KCNH8: variants seen among roughly 807,000 people sequenced by gnomAD.
KCNH8 encodes the protein potassium voltage-gated channel subfamily H member 8.
KCNH8 carries 70 observed loss-of-function variants against 103.6 expected under a neutral mutation model. That is an observed-to-expected ratio of 0.68 (90% CI 0.56 to 0.82). The LOEUF (loss-of-function observed/expected upper bound fraction) is 0.82, where lower values mean the gene tolerates loss of function less well. KCNH8 is among the 40% of genes least tolerant of loss of function. The pLI, the probability that KCNH8 is intolerant of heterozygous loss-of-function variation, is 0.00. For synonymous variants in KCNH8, 498 were observed against 489.4 expected (o/e 1.02, Z -0.23); for missense variants, 1,217 against 1,329.9 (o/e 0.92, Z 1.32).
At chr3:19,196,227 C>G (rs749201046) in intron 1 of KCNH8, among the ~76,000 whole-genome samples, 1 of 151,836 alleles carries the variant, frequency 6.6e-6, no homozygotes, top group Non-Finnish European at 1.5e-5. Context: ...TTGCATATGC[C>G]TAAACCTCAT....
intron 1 of KCNH8, among the ~76,000 whole-genome samples, chr3:19,213,807 G>C (rs57977512): frequency 0.041 from 6,197 of 152,226 alleles, 447 homozygotes; most frequent in African/African-American, 0.14. Flanking sequence ...GGCTTTGCAG[G>C]CTTTTTCAGA....
intron 1 of KCNH8, among the ~76,000 whole-genome samples, chr3:19,178,283 T>TA (rs112637896): frequency 0.095 from 14,387 of 152,064 alleles, 2,308 homozygotes; most frequent in African/African-American, 0.32. Context: ...TTTTGTTCAT[T>TA]AAAAAATTGT....
At chr3:19,529,279 G>A (rs574525804) in intron 15 of KCNH8, among the ~76,000 whole-genome samples, 2 of 152,278 alleles carry the variant, frequency 1.3e-5, no homozygotes, top group East Asian at 1.9e-4. Context: ...TGATCAGAAC[G>A]ATTTTGTTTG....
At position 19,515,372 on chromosome 3, in the gene KCNH8, T is replaced by C. The variant is rs766588735; in HGVS notation, c.2486T>C (p.Phe829Ser). 34 of 1,586,814 alleles carry C rather than the reference T, an allele frequency of 2.1e-5. No homozygotes were observed. The East Asian group carries it at 7.1e-4, about 33-fold the overall frequency. Residue 829 changes from phenylalanine (F) to serine (S), a missense_variant, in exon 14 of 16, where the codon TTT becomes TCT. Coordinates refer to ENST00000328405, the MANE Select transcript of KCNH8 (RefSeq NM_144633.3). ...AACAGCAGTGAAGAAAGTCAGACTTTTGATTTTGGCTCTGAACGAATCAGA... is the reference window on the plus strand; with the variant it reads ...AACAGCAGTGAAGAAAGTCAGACTTCTGATTTTGGCTCTGAACGAATCAGA... ...DGNSSEESQT[F>S]DFGSERIRSE...
At chr3:19,153,121 T>A (rs1343556470) in intron 1 of KCNH8, among the ~76,000 whole-genome samples, 1 of 152,178 alleles carries the variant, frequency 6.6e-6, no homozygotes, top group Non-Finnish European at 1.5e-5. Context: ...ACTTTGTAGA[T>A]GAATTCTGTG....
At chr3:19,331,867 C>CGGTGA (rs774373584) in intron 3 of KCNH8, among the ~76,000 whole-genome samples, 1 of 152,074 alleles carries the variant, frequency 6.6e-6, no homozygotes, top group Non-Finnish European at 1.5e-5. Flanking sequence ...TTGTGTACCA[C>CGGTGA]GGTGAGTCTT....
At chr3:19,481,233 G>A (rs552932113) in intron 11 of KCNH8, among the ~76,000 whole-genome samples, 3 of 151,956 alleles carry the variant, frequency 2.0e-5, no homozygotes, top group African/African-American at 7.2e-5. Flanking sequence ...TACTGACTAG[G>A]GGGAATCACT....
chr3:19,154,728 C>T (rs527552945), intron 1 of KCNH8, among the ~76,000 whole-genome samples: 7 of 152,128 alleles, frequency 4.6e-5, no homozygotes, highest in South Asian at 4.1e-4. Flanking sequence ...TCCTCCAGGG[C>T]GGTTTACCCC....
At position 19,342,601 on chromosome 3, in the gene KCNH8, A is replaced by G; in HGVS notation, c.457A>G (p.Arg153Gly). 1 of 1,610,400 alleles carries G rather than the reference A, an allele frequency of 6.2e-7. No individual in the cohort carries two copies. The highest frequency in any genetic ancestry group is 8.5e-7 in the Non-Finnish European group (1 of 1,177,482). Residue 153 changes from arginine (R) to glycine (G), a missense_variant, in exon 4 of 16, where the codon AGA (arginine) becomes GGA (glycine). Coordinates refer to ENST00000328405, the MANE Select transcript of KCNH8 (RefSeq NM_144633.3). ...TTTTCCCCCAGACAAAGTCAAAGGA[A>G]GATCAAGAGCAGGGACCCACTTTGA... The part of the protein sequence containing the change: ...EDKKEDKVKG[R>G]SRAGTHFDSA...
chr3:19,193,476 A>G (rs1486269504), intron 1 of KCNH8, among the ~76,000 whole-genome samples: 1 of 151,624 alleles, frequency 6.6e-6, no homozygotes, highest in African/African-American at 2.4e-5. Context: ...ACTGTGTTAG[A>G]CCCAAGAGAT....
chr3:19,329,919 C>CT lies in KCNH8; in HGVS notation c.443-12657dup, dbSNP rs367938605. On this transcript the variant is annotated intron_variant, in intron 3 of 15. Coordinates refer to ENST00000328405, the MANE Select transcript of KCNH8 (RefSeq NM_144633.3). ...CGAACTGTTTCTGATTGGCTTTTAGCTTTTTTTTTTTCCTTCTAACACTTG... is the reference window on the plus strand; with the variant it reads ...CGAACTGTTTCTGATTGGCTTTTAGCTTTTTTTTTTTTCCTTCTAACACTTG... Among the ~76,000 whole-genome samples the CT allele has an allele frequency of 3.3e-3, 478 of 144,634 alleles. 1 individual carries two copies. The highest frequency in any genetic ancestry group is 6.9e-3 in the Admixed American group (99 of 14,374). 94.9% of individuals were successfully genotyped at this position (144,634 alleles called of 152,430 possible).
intron 5 of KCNH8, among the ~76,000 whole-genome samples, chr3:19,362,815 C>T (rs539655743): frequency 5.9e-5 from 9 of 152,188 alleles, no homozygotes; most frequent in Admixed American, 1.3e-4. Flanking sequence ...TGTGCCATCA[C>T]GCCTGGCTAA....
At chr3:19,281,357 CAGAT>C in intron 3 of KCNH8, 28 bp downstream of exon 3, 4 of 1,561,376 alleles carry the variant, frequency 2.6e-6, no homozygotes, top group Non-Finnish European at 2.6e-6. Flanking sequence ...AAAACATTGA[CAGAT>C]GGAGTAACAT....
rs1379582412 is a variant in KCNH8 at position 19,395,152 on chromosome 3, C to T, written c.1018C>T (p.Arg340Cys). 3 of 1,610,912 alleles carry T rather than the reference C, an allele frequency of 1.9e-6. No individual in the cohort carries two copies. The highest frequency in any genetic ancestry group is 1.7e-5 in the Admixed American group (1 of 59,650). Residue 340 changes from arginine to cysteine, a missense_variant, in exon 7 of 16, where the codon CGT becomes TGT. Coordinates refer to ENST00000328405, the MANE Select transcript of KCNH8 (RefSeq NM_144633.3). ...GACAGTGCGCCTCTTGCGTCTTTTG[C>T]GTCTGCTGCAGAAGTTAGACCGCTA... ...LKTVRLLRLLRLLQKLDRYSQ... is the reference protein window; with the variant it reads ...LKTVRLLRLLCLLQKLDRYSQ...
At chr3:19,298,604 A>G (rs1289734897) in intron 3 of KCNH8, among the ~76,000 whole-genome samples, 1 of 152,216 alleles carries the variant, frequency 6.6e-6, no homozygotes, top group Non-Finnish European at 1.5e-5. Flanking sequence ...TAAAAATTTT[A>G]CAGTATGGCT....
intron 2 of KCNH8, among the ~76,000 whole-genome samples, chr3:19,266,069 C>A (rs1300878228): frequency 6.6e-6 from 1 of 151,052 alleles, no homozygotes; most frequent in East Asian, 1.9e-4. Context: ...GTGTGTCCTG[C>A]AATCCCCAAG....
rs544276165 is a variant in KCNH8, at chr3:19,371,059, G to A, written c.812-19422G>A. Among the ~76,000 whole-genome samples, 74 of 152,018 alleles carry A rather than the reference G, an allele frequency of 4.9e-4. No individual in the cohort carries two copies. In the Middle Eastern group the frequency reaches 0.01, roughly 21 times the overall value. On this transcript the variant is annotated intron_variant, in intron 5 of 15. Coordinates refer to ENST00000328405, the MANE Select transcript of KCNH8 (RefSeq NM_144633.3). ...AGTCTTTGCAATTGTGAATAATGCC[G>A]CAATAAACATACGTGTGCATGTGTC...
At chr3:19,225,080 G>C (rs575245033) in intron 1 of KCNH8, among the ~76,000 whole-genome samples, 13 of 152,170 alleles carry the variant, frequency 8.5e-5, no homozygotes, top group African/African-American at 2.9e-4. Flanking sequence ...TTAGGACAAA[G>C]GCTGTAGTCA....
intron 7 of KCNH8, among the ~76,000 whole-genome samples, chr3:19,434,191 TG>T (rs1046427015): frequency 2.6e-5 from 4 of 152,292 alleles, no homozygotes; most frequent in African/African-American, 9.6e-5. Flanking sequence ...ATTATAGTCA[TG>T]GGCACTAGAT....
Sources: gnomAD v4.1 joint callset for allele counts (sites outside exome capture counted in the v4.1 genomes callset) on GRCh38, gnomAD v4.1.1 for gene constraint, MANE v1.5 for transcripts, NCBI Gene and HGNC (gene_info 2026-07-23, HGNC 2026-07-21) for gene names.